HS3ST5: variants seen among roughly 807,000 people sequenced by gnomAD.
The protein encoded by HS3ST5 is heparan sulfate-glucosamine 3-sulfotransferase 5.
HS3ST5 carries 10 observed loss-of-function variants against 25.4 expected under a neutral mutation model. The observed-to-expected ratio is 0.39, with a 90% CI of 0.24 to 0.67. The LOEUF is 0.67. Ranked by LOEUF, HS3ST5 falls within the 30% of genes least tolerant of loss-of-function variation. The pLI, the probability that HS3ST5 is intolerant of heterozygous loss-of-function variation, is 0.44. For missense variants in HS3ST5, 324 were observed against 420.7 expected (o/e 0.77, Z 2.01); for synonymous variants, 170 against 162.4 (o/e 1.05, Z -0.36).
At chr6:114,308,314 G>A (rs1223007285) in intron 1 of HS3ST5, among the ~76,000 whole-genome samples, 4 of 152,130 alleles carry the variant, frequency 2.6e-5, no homozygotes, top group South Asian at 2.1e-4. Flanking sequence ...GGCAGGGCGC[G>A]GTGGCTCATG....
intron 1 of HS3ST5, among the ~76,000 whole-genome samples, chr6:114,315,832 C>T (rs1403814297): frequency 2.6e-5 from 4 of 152,122 alleles, no homozygotes; most frequent in Non-Finnish European, 5.9e-5. Context: ...TGTTTTCTCT[C>T]CCACTTTAAA....
At position 114,266,477 on chromosome 6, in the gene HS3ST5, T is replaced by TATTAG. The variant is rs555877466; in HGVS notation, c.-338-37700_-338-37699insCTAAT. 1.8e-4 allele frequency among the ~76,000 whole-genome samples: 28 copies of TATTAG among 152,350 alleles called. 1 individual carries two copies. The South Asian group carries it at 5.8e-3, about 32-fold the overall frequency. Reference sequence around the variant, plus strand: ...GTTAAATAGTGAGGCATTAGCTAACTCTCTGTATCAGTTGTCTGTTCATGA... The same window carrying TATTAG: ...GTTAAATAGTGAGGCATTAGCTAACTATTAGCTCTGTATCAGTTGTCTGTTCATGA... On this transcript the variant is annotated intron_variant, in intron 1 of 4. Coordinates refer to ENST00000312719, the MANE Select transcript of HS3ST5 (RefSeq NM_153612.4).
At chr6:114,063,357 A>G (rs1773248105) in intron 3 of HS3ST5, among the ~76,000 whole-genome samples, 1 of 152,140 alleles carries the variant, frequency 6.6e-6, no homozygotes, top group Admixed American at 6.5e-5. Flanking sequence ...TCTACTAAAA[A>G]TGCAAAAATT....
chr6:114,118,105 T>A (rs1321408114), intron 3 of HS3ST5, among the ~76,000 whole-genome samples: 1 of 152,172 alleles, frequency 6.6e-6, no homozygotes, highest in East Asian at 1.9e-4. Flanking sequence ...CTTCTTTGCA[T>A]AGCAAGGAGA....
intron 2 of HS3ST5, among the ~76,000 whole-genome samples, chr6:114,170,173 TAA>T (rs1388225359): frequency 1.3e-5 from 2 of 152,142 alleles, no homozygotes; most frequent in East Asian, 3.8e-4. Flanking sequence ...AAACATTTAT[TAA>T]GTGTCAGAGT....
At chr6:114,251,834 C>T (rs1417709215) in intron 1 of HS3ST5, 1 of 152,172 alleles carries the variant, frequency 6.6e-6, no homozygotes, top group African/African-American at 2.4e-5. Context: ...GGCAGTCATC[C>T]CATCATTTGA....
At chr6:114,166,696 G>C (rs1056698072) in intron 3 of HS3ST5, among the ~76,000 whole-genome samples, 1 of 152,096 alleles carries the variant, frequency 6.6e-6, no homozygotes, top group African/African-American at 2.4e-5. Flanking sequence ...TTTCTGCTGT[G>C]TTTCCATTAC....
In HS3ST5 at chr6:114,149,253, A is replaced by T. The variant is rs1224410696; in HGVS notation, c.-33+19098T>A. Reference sequence around the variant, plus strand: ...TGGGTATATACCCAAAGGGTTACAAATCATTCTACTATAAAGACACATGCA... The same window carrying T: ...TGGGTATATACCCAAAGGGTTACAATTCATTCTACTATAAAGACACATGCA... On this transcript the variant is annotated intron_variant, in intron 3 of 4. Coordinates refer to ENST00000312719, the MANE Select transcript of HS3ST5 (RefSeq NM_153612.4). Among the ~76,000 whole-genome samples, 4 of 152,352 alleles carry T rather than the reference A, an allele frequency of 2.6e-5. No homozygotes were observed. The East Asian group carries it at 7.7e-4, about 29-fold the overall frequency.
At chr6:114,222,753 G>A (rs1782101357) in intron 2 of HS3ST5, among the ~76,000 whole-genome samples, 1 of 151,734 alleles carries the variant, frequency 6.6e-6, no homozygotes, top group Non-Finnish European at 1.5e-5. Context: ...TGTTAGCTAA[G>A]ACACTCATCT....
intron 3 of HS3ST5, among the ~76,000 whole-genome samples, chr6:114,085,135 C>T (rs978443838): frequency 6.6e-6 from 1 of 152,100 alleles, no homozygotes; most frequent in African/African-American, 2.4e-5. Context: ...TATTCCATGT[C>T]AAAAATTCTA....
At chr6:114,176,229 T>C (rs1779717884) in intron 2 of HS3ST5, among the ~76,000 whole-genome samples, 1 of 151,102 alleles carries the variant, frequency 6.6e-6, no homozygotes, top group Non-Finnish European at 1.5e-5. Flanking sequence ...AAATTGATTC[T>C]GAGGAATTTG....
intron 3 of HS3ST5, among the ~76,000 whole-genome samples, chr6:114,117,265 T>G (rs1426450367): frequency 6.6e-6 from 1 of 152,212 alleles, no homozygotes; most frequent in Admixed American, 6.5e-5. Context: ...CATTCAACCC[T>G]GTCTTGGCTC....
chr6:114,144,902 A>G (rs1051913754), intron 3 of HS3ST5, among the ~76,000 whole-genome samples: 2 of 152,178 alleles, frequency 1.3e-5, no homozygotes, highest in African/African-American at 4.8e-5. Context: ...ATGTCTGCCT[A>G]ACTTGTTGCT....
intron 1 of HS3ST5, among the ~76,000 whole-genome samples, chr6:114,298,779 A>G (rs1454214222): frequency 6.6e-6 from 1 of 152,150 alleles, no homozygotes; most frequent in Non-Finnish European, 1.5e-5. Context: ...TCTAAACATA[A>G]ATTGTGAAGA....
At chr6:114,326,100 A>T (rs1776162679) in intron 1 of HS3ST5, among the ~76,000 whole-genome samples, 1 of 151,494 alleles carries the variant, frequency 6.6e-6, no homozygotes. Context: ...TATCTCTATT[A>T]AAAAAGTAGG....
At chr6:114,186,216 A>C (rs527483699) in intron 2 of HS3ST5, among the ~76,000 whole-genome samples, 4 of 152,222 alleles carry the variant, frequency 2.6e-5, no homozygotes, top group African/African-American at 9.6e-5. Context: ...AAAAGCTAAA[A>C]ATGATTAAAC....
At chr6:114,330,535 C>A (rs1009570852) in intron 1 of HS3ST5, among the ~76,000 whole-genome samples, 3 of 152,174 alleles carry the variant, frequency 2.0e-5, no homozygotes, top group East Asian at 3.9e-4. Flanking sequence ...GGTATGCGTC[C>A]AACCTTCTGG....
At chr6:114,186,315 A>G (rs567227594) in intron 2 of HS3ST5, among the ~76,000 whole-genome samples, 8 of 152,258 alleles carry the variant, frequency 5.3e-5, no homozygotes, top group Non-Finnish European at 1.2e-4. Context: ...AAGCAAAGCA[A>G]AAAGTTCTTC....
intron 3 of HS3ST5, among the ~76,000 whole-genome samples, chr6:114,090,445 C>T (rs1160852306): frequency 6.6e-6 from 1 of 152,156 alleles, no homozygotes; most frequent in East Asian, 1.9e-4. Flanking sequence ...CTCCTCCCTC[C>T]TCCCTCTTCT....
Sources: allele counts gnomAD v4.1 joint callset (sites outside exome capture counted in the v4.1 genomes callset), GRCh38; gene constraint gnomAD v4.1.1; transcripts MANE v1.5; gene names NCBI Gene and HGNC (gene_info 2026-07-23, HGNC 2026-07-21).